ZNF595: variants seen among roughly 807,000 people sequenced by gnomAD.
The protein encoded by ZNF595 is zinc finger protein 595.
Under a neutral mutation model 19.4 loss-of-function variants are expected in ZNF595, and 9 were observed. The ratio of observed to expected loss-of-function variants is 0.46; its 90% CI spans 0.28 to 0.81. The LOEUF (loss-of-function observed/expected upper bound fraction) is 0.81. ZNF595 is among the 30% of genes least tolerant of loss of function. ZNF595 has a pLI of 0.11. For missense variants in ZNF595, 729 were observed against 736.0 expected (o/e 0.99, Z 0.11); for synonymous variants, 255 against 255.9 (o/e 1.00, Z 0.03).
chr4:69,922 A>T (rs1713356923), intron 3 of ZNF595, among the ~76,000 whole-genome samples: 1 of 152,188 alleles, frequency 6.6e-6, no homozygotes, highest in African/African-American at 2.4e-5. Context: ...CTGCCCACAG[A>T]CCGTGACCCA....
Position 82,371 on chromosome 4 carries a change from G to GTTTTTT in ZNF595, c.227-3360_227-3359insTTTTTT, listed in dbSNP as rs1560092266. On this transcript the variant is annotated intron_variant, in intron 3 of 3. Coordinates refer to ENST00000610261, the MANE Select transcript of ZNF595 (RefSeq NM_182524.4). ...ACAAAAGTCCATTTTTTTGGTTTGT[G>GTTTTTT]GTTTTTTTTTTTTTTTTTTTTTTTT... Among the ~76,000 whole-genome samples the GTTTTTT allele has an allele frequency of 2.8e-3, 273 of 97,664 alleles. 21 individuals carry two copies. Among genetic ancestry groups the GTTTTTT allele is most frequent in the African/African-American group, 3.2e-3 (88 of 27,386 alleles). The allele number at this position is 97,664 out of a possible 152,430, so 64.1% of individuals were successfully genotyped here.
chr4:81,891 A>C (rs1375897065), intron 3 of ZNF595, among the ~76,000 whole-genome samples: 1 of 152,124 alleles, frequency 6.6e-6, no homozygotes, highest in African/African-American at 2.4e-5. Flanking sequence ...TAATATTTTA[A>C]TATTTTTAAT....
At chr4:71,053 C>G (rs1553797817) in intron 3 of ZNF595, among the ~76,000 whole-genome samples, 1 of 150,918 alleles carries the variant, frequency 6.6e-6, no homozygotes, top group East Asian at 1.9e-4. Flanking sequence ...TTGTAGAGAC[C>G]TTTCACTTCT....
intron 3 of ZNF595, among the ~76,000 whole-genome samples, chr4:77,523 A>C (rs1713721822): frequency 6.6e-6 from 1 of 152,084 alleles, no homozygotes; most frequent in Non-Finnish European, 1.5e-5. Context: ...GAAGGAGCAA[A>C]TACCTCTTTC....
At position 87,743 on chromosome 4, in the gene ZNF595, CAG is replaced by C. The variant is rs1232982734; in HGVS notation, c.*295_*296del. On this transcript the variant is annotated 3_prime_UTR_variant, in exon 4 of 4. Coordinates refer to ENST00000610261, the MANE Select transcript of ZNF595 (RefSeq NM_182524.4). ...TTTTTTTTTTTTTTTTTTTTTGAGA[CAG>C]AGTCTCGTTCTGTCGCCCAGGCTGG... 5.1e-4 allele frequency: 72 copies of C among 139,946 alleles called. No individual in the cohort carries two copies. The highest frequency in any genetic ancestry group is 2.3e-3 in the African/African-American group (70 of 30,860). 8.7% of individuals were successfully genotyped at this position (139,946 alleles called of 1,614,324 possible).
At position 86,337 on chromosome 4, in the gene ZNF595, A is replaced by G; in HGVS notation, c.833A>G (p.His278Arg). Residue 278 changes from histidine (H) to arginine (R), a missense_variant, in exon 4 of 4, where the codon CAT becomes CGT. By Grantham distance (29) the His-to-Arg change is conservative. Transcript: ENST00000610261. The stretch of plus-strand genomic sequence containing the variant: ...ACACTGAATGAACACAAGAAAATTC[A>G]TACTGGAGAGAAACCCTACAAATGT... Reference protein sequence around the residue: ...STTLNEHKKIHTGEKPYKCKE... With the variant: ...STTLNEHKKIRTGEKPYKCKE... 3 of 1,614,034 alleles carry G rather than the reference A, an allele frequency of 1.9e-6. No individual in the cohort carries two copies. The highest frequency in any genetic ancestry group is 2.5e-6 in the Non-Finnish European group (3 of 1,179,982).
At chr4:83,222 T>C (rs2108761939) in intron 3 of ZNF595, among the ~76,000 whole-genome samples, 1 of 152,278 alleles carries the variant, frequency 6.6e-6, no homozygotes, top group East Asian at 1.9e-4. Context: ...CTTTGGGTAA[T>C]ATAATTTTGA....
rs144036354 is a variant in ZNF595 at position 86,296 on chromosome 4, C to G, written c.792C>G (p.Ala264=). ...KPYKCEECGK[A]FTRSTTLNEH... is the part of the protein sequence containing the mutation. The stretch of plus-strand genomic sequence containing the variant: ...ACAAATGTGAAGAATGTGGCAAAGC[C>G]TTTACAAGGTCCACAACACTGAATG... The change falls in exon 4 of 4, where the codon GCC becomes GCG. Residue 264 remains alanine (A), a synonymous_variant. Coordinates refer to ENST00000610261, the MANE Select transcript of ZNF595 (RefSeq NM_182524.4). 3.9e-4 allele frequency: 636 copies of G among 1,610,326 alleles called. 3 individuals carry two copies. In the East Asian group the frequency reaches 0.012, roughly 30 times the overall value.
chr4:87,626 A>T lies in ZNF595; in HGVS notation c.*175A>T, dbSNP rs10017983. On this transcript the variant is annotated 3_prime_UTR_variant, in exon 4 of 4. Transcript: ENST00000610261. The stretch of plus-strand genomic sequence containing the variant: ...ATTTGGATTATTTTGATACAGGCAT[A>T]TGACATGTAATTATCACATCAGAGT... 0.027 allele frequency: 13,345 copies of T among 489,806 alleles called. 467 individuals are homozygous for T. Among genetic ancestry groups the T allele is most frequent in the South Asian group, 0.12 (2,347 of 20,222 alleles). The allele number at this position is 489,806 out of a possible 1,614,324, so 30.3% of individuals were successfully genotyped here. A position where few individuals can be genotyped will look rare whatever the true frequency, so the allele number is the denominator to read the frequency against.
At chr4:80,874 T>C (rs1283065247) in intron 3 of ZNF595, among the ~76,000 whole-genome samples, 2 of 152,214 alleles carry the variant, frequency 1.3e-5, no homozygotes, top group African/African-American at 2.4e-5. Context: ...GCAGGTTTGT[T>C]ACATAAGTAT....
intron 3 of ZNF595, among the ~76,000 whole-genome samples, chr4:81,747 A>T (rs1478534862): frequency 6.6e-6 from 1 of 152,212 alleles, no homozygotes; most frequent in African/African-American, 2.4e-5. Context: ...TTTTAGAGTC[A>T]AACTGCTTTA....
intron 3 of ZNF595, among the ~76,000 whole-genome samples, chr4:68,980 C>T (rs1013418518): frequency 3.3e-5 from 5 of 152,164 alleles, no homozygotes; most frequent in Non-Finnish European, 5.9e-5. Flanking sequence ...TTTTTAGCTC[C>T]AGCAAATGTG....
intron 3 of ZNF595, among the ~76,000 whole-genome samples, chr4:81,959 A>T (rs1467347104): frequency 1.3e-5 from 2 of 152,204 alleles, no homozygotes; most frequent in African/African-American, 4.8e-5. Flanking sequence ...TTTCACTAAC[A>T]ATGCTACAAT....
intron 3 of ZNF595, among the ~76,000 whole-genome samples, chr4:61,300 A>T (rs1712852217): frequency 6.6e-6 from 1 of 152,310 alleles, no homozygotes; most frequent in East Asian, 1.9e-4. Context: ...CCTCCTGAGT[A>T]GCTGGGATTA....
At chr4:73,009 A>C in intron 3 of ZNF595, among the ~76,000 whole-genome samples, 1 of 152,158 alleles carries the variant, frequency 6.6e-6, no homozygotes, top group African/African-American at 2.4e-5. Flanking sequence ...GAGGATCCAC[A>C]GGCAGATGCA....
intron 3 of ZNF595, among the ~76,000 whole-genome samples, chr4:71,475 A>G (rs1020194505): frequency 3.3e-5 from 5 of 152,128 alleles, no homozygotes; most frequent in African/African-American, 1.2e-4. Flanking sequence ...TCACAAGGTA[A>G]TTCATCCTCA....
intron 3 of ZNF595, among the ~76,000 whole-genome samples, chr4:82,372 G>GTTTTTTTTTTT (rs34932652): frequency 1.2e-5 from 1 of 85,922 alleles, no homozygotes; most frequent in African/African-American, 4.3e-5. Flanking sequence ...TTGGTTTGTG[G>GTTTTTTTTTTT]TTTTTTTTTT....
intron 3 of ZNF595, among the ~76,000 whole-genome samples, chr4:77,434 T>C (rs1352766555): frequency 1.3e-5 from 2 of 152,158 alleles, no homozygotes; most frequent in African/African-American, 4.8e-5. Context: ...TACTGGAAAA[T>C]TTTCAGGTTC....
At chr4:75,066 C>G (rs1294644541) in intron 3 of ZNF595, among the ~76,000 whole-genome samples, 1 of 151,306 alleles carries the variant, frequency 6.6e-6, no homozygotes, top group African/African-American at 2.4e-5. Flanking sequence ...TTGTCTGATA[C>G]GGCCACTGCT....
Sources: gnomAD v4.1 joint callset for allele counts (sites outside exome capture counted in the v4.1 genomes callset) on GRCh38, gnomAD v4.1.1 for gene constraint, MANE v1.5 for transcripts, NCBI Gene and HGNC (gene_info 2026-07-23, HGNC 2026-07-21) for gene names.